Variants in DIAPH2 observed in about 807,000 individuals in gnomAD.
DIAPH2 encodes protein diaphanous homolog 2.
DIAPH2 carries 35 observed loss-of-function variants against 92.7 expected under a neutral mutation model. The observed-to-expected ratio is 0.38, with a 90% CI of 0.29 to 0.50. The LOEUF is 0.50. Ranked by LOEUF, DIAPH2 falls within the 20% of genes least tolerant of loss-of-function variation. The pLI, the probability that DIAPH2 is intolerant of heterozygous loss-of-function variation, is 0.94. For synonymous variants in DIAPH2, 301 were observed against 280.4 expected (o/e 1.07, Z -0.73); for missense variants, 701 against 819.5 (o/e 0.86, Z 1.77).
chrX:97,302,211 C>CAAA (rs35039257), intron 23 of DIAPH2, among the ~76,000 whole-genome samples: 1,164 of 26,628 alleles, frequency 0.044, 52 homozygotes, highest in Non-Finnish European at 0.046. Context: ...GACTCCATCT[C>CAAA]AAAAAAAAAA....
intron 4 of DIAPH2, among the ~76,000 whole-genome samples, chrX:96,829,445 A>G (rs1006631730): frequency 5.2e-5 from 3 of 57,740 alleles, no homozygotes; most frequent in Non-Finnish European, 8.1e-5. Flanking sequence ...ATATATGTAT[A>G]TATATATATA....
At chrX:96,950,585 G>A (rs1192687263) in intron 15 of DIAPH2, among the ~76,000 whole-genome samples, 1 of 111,090 alleles carries the variant, frequency 9.0e-6, no homozygotes, top group Non-Finnish European at 1.9e-5. Context: ...AAACCTCCAG[G>A]TCCCCTCTCT....
Position 97,114,881 on chromosome X carries a change from G to A in DIAPH2, c.2505G>A (p.Glu835=). 1.7e-6 allele frequency: 2 copies of A among 1,210,018 alleles called. No homozygotes were observed. Among genetic ancestry groups the A allele is most frequent in the South Asian group, 3.5e-5 (2 of 56,665 alleles). The change falls in exon 21 of 27, where the codon GAG becomes GAA. Residue 835 remains glutamate (E), a synonymous_variant. Transcript: ENST00000324765. ...GTGAAAGCTTTAACAGACTTTTAGA[G>A]TTAGTTCTTCTTGTTGGAAACTACA... The part of the protein sequence containing the change: ...KKSESFNRLL[E]LVLLVGNYMN...
intron 13 of DIAPH2, 34 bp from the exon 14 acceptor site, chrX:96,945,493 A>G (rs2065732831): frequency 1.8e-6 from 2 of 1,096,621 alleles, no homozygotes; most frequent in South Asian, 4.3e-5. Flanking sequence ...ATCTCATGCC[A>G]TAATTTCGAA....
At chrX:97,167,121 G>A (rs947273373) in intron 22 of DIAPH2, among the ~76,000 whole-genome samples, 4 of 111,262 alleles carry the variant, frequency 3.6e-5, no homozygotes, top group African/African-American at 1.3e-4. Flanking sequence ...ACTTGTGGTC[G>A]CCCCCTCCAC....
rs2065947254 is a variant in DIAPH2, at chrX:96,974,323, C to G, written c.2050+9116C>G. ...GTGATTTAGTAATTTGGTGATTAGC[C>G]CTTGAATAGGCTTTTTGTGGACAGA... On this transcript the variant is annotated intron_variant, in intron 17 of 26. Coordinates refer to ENST00000324765, the MANE Select transcript of DIAPH2 (RefSeq NM_006729.5). Among the ~76,000 whole-genome samples the G allele has an allele frequency of 2.7e-5, 3 of 111,206 alleles. No individual in the cohort carries two copies. In the Admixed American group the frequency reaches 2.9e-4, roughly 11 times the overall value.
At chrX:96,905,650 G>T (rs933552506) in intron 5 of DIAPH2, among the ~76,000 whole-genome samples, 4 of 111,172 alleles carry the variant, frequency 3.6e-5, no homozygotes, top group Non-Finnish European at 7.5e-5. Flanking sequence ...AGTTCTAAAG[G>T]CTTGAGATAG....
chrX:96,895,160 C>A (rs150117354), intron 5 of DIAPH2, among the ~76,000 whole-genome samples: 1,816 of 109,362 alleles, frequency 0.017, 36 homozygotes, highest in African/African-American at 0.057. Context: ...TGCGCCACCA[C>A]ACCTGGCTAA....
intron 26 of DIAPH2, among the ~76,000 whole-genome samples, chrX:97,473,879 G>C (rs940110460): frequency 3.6e-5 from 4 of 111,809 alleles, no homozygotes; most frequent in African/African-American, 1.3e-4. Flanking sequence ...AAAATCACTT[G>C]AACCCAGGAG....
intron 4 of DIAPH2, among the ~76,000 whole-genome samples, chrX:96,823,818 C>T (rs921593868): frequency 1.1e-4 from 12 of 109,294 alleles, no homozygotes; most frequent in African/African-American, 4.0e-4. Context: ...AATATATTTT[C>T]TGTTTTTTCT....
chrX:96,958,678 T>C (rs2065828632), intron 16 of DIAPH2, among the ~76,000 whole-genome samples: 1 of 111,348 alleles, frequency 9.0e-6, no homozygotes, highest in Non-Finnish European at 1.9e-5. Context: ...TTATTCCTTT[T>C]ATCTAACTAT....
At chrX:97,134,433 A>G (rs888292590) in intron 21 of DIAPH2, among the ~76,000 whole-genome samples, 1 of 111,980 alleles carries the variant, frequency 8.9e-6, no homozygotes, top group Admixed American at 9.5e-5. Flanking sequence ...ACAATTGCCA[A>G]GCATCTTCTC....
intron 26 of DIAPH2, among the ~76,000 whole-genome samples, chrX:97,487,770 C>A (rs1288775875): frequency 1.2e-5 from 1 of 83,653 alleles, no homozygotes; most frequent in Non-Finnish European, 2.7e-5. Flanking sequence ...CTTAACAATG[C>A]CTTTTACATT....
At chrX:96,908,585 G>C (rs1291135957) in intron 5 of DIAPH2, among the ~76,000 whole-genome samples, 1 of 110,720 alleles carries the variant, frequency 9.0e-6, no homozygotes, top group Non-Finnish European at 1.9e-5. Context: ...TGTTTCAACT[G>C]GATTCCTTTT....
intron 26 of DIAPH2, among the ~76,000 whole-genome samples, chrX:97,565,930 G>A (rs920088722): frequency 8.9e-6 from 1 of 112,059 alleles, no homozygotes; most frequent in African/African-American, 3.2e-5. Context: ...GGTGATCTTC[G>A]TTAGGTATTT....
chrX:97,288,924 C>T (rs759353194), intron 23 of DIAPH2, among the ~76,000 whole-genome samples: 3 of 111,134 alleles, frequency 2.7e-5, no homozygotes, highest in Non-Finnish European at 5.6e-5. Context: ...AACATTCCTT[C>T]TCTTGTAACA....
chrX:96,705,263 C>T (rs959008035), intron 1 of DIAPH2, among the ~76,000 whole-genome samples: 80 of 111,637 alleles, frequency 7.2e-4, no homozygotes, highest in African/African-American at 2.4e-3. Flanking sequence ...GCCACTGTGC[C>T]TGGCCAAAAC....
At chrX:97,031,116 C>T (rs981297043) in intron 17 of DIAPH2, among the ~76,000 whole-genome samples, 2 of 110,821 alleles carry the variant, frequency 1.8e-5, no homozygotes, top group African/African-American at 6.6e-5. Flanking sequence ...TGATTAACCA[C>T]CCTTTGCAGC....
intron 22 of DIAPH2, among the ~76,000 whole-genome samples, chrX:97,143,415 A>ATT (rs2067221585): frequency 9.1e-6 from 1 of 110,248 alleles, no homozygotes; most frequent in Non-Finnish European, 1.9e-5. Flanking sequence ...TGTATAATCA[A>ATT]TTTTTACAAC....
Sources: gnomAD v4.1 joint callset for allele counts (sites outside exome capture counted in the v4.1 genomes callset) on GRCh38, gnomAD v4.1.1 for gene constraint, MANE v1.5 for transcripts, NCBI Gene and HGNC (gene_info 2026-07-23, HGNC 2026-07-21) for gene names.